The following AGPS variants were observed in gnomAD, a reference collection of about 807,000 sequenced individuals.
AGPS encodes alkylglycerone phosphate synthase.
Under a neutral mutation model 90.7 loss-of-function variants are expected in AGPS, and 26 were observed. That is an observed-to-expected ratio of 0.29 (90% CI 0.21 to 0.40). The LOEUF (loss-of-function observed/expected upper bound fraction) is 0.40. Ranked by LOEUF, AGPS falls within the 10% of genes least tolerant of loss-of-function variation. The probability of loss-of-function intolerance (pLI) is 1.00; values close to 1 mark genes in which losing one functional copy is unlikely to be tolerated. For synonymous variants in AGPS, 294 were observed against 285.3 expected, an observed-to-expected ratio of 1.03 and a Z score of -0.31; for missense variants, 540 against 816.1, an observed-to-expected ratio of 0.66 and a Z score of 4.12.
At chr2:177,499,525 C>T (rs934385301) in intron 13 of AGPS, 93 bp from the exon 14 acceptor site, 3 of 790,334 alleles carry the variant, frequency 3.8e-6, no homozygotes, top group Non-Finnish European at 6.2e-6. Flanking sequence ...TGTATTTGAG[C>T]CCAGATCAGA....
chr2:177,491,077 A>T (rs1288248786), intron 11 of AGPS, among the ~76,000 whole-genome samples: 1 of 150,724 alleles, frequency 6.6e-6, no homozygotes, highest in African/African-American at 2.4e-5. Flanking sequence ...CTGGTCTCGA[A>T]CTCCTGACCT....
chr2:177,398,697 A>G (rs1181571278), intron 1 of AGPS, among the ~76,000 whole-genome samples: 1 of 152,244 alleles, frequency 6.6e-6, no homozygotes, highest in Admixed American at 6.5e-5. Flanking sequence ...GCATTAGTTT[A>G]TGTTGTACTT....
chr2:177,450,941 G>A (rs1005368448), intron 8 of AGPS, among the ~76,000 whole-genome samples: 2 of 2,014 alleles, frequency 9.9e-4, no homozygotes, highest in Non-Finnish European at 3.4e-3. Context: ...AGTGTCTTAC[G>A]GTTTTCTATG....
intron 14 of AGPS, among the ~76,000 whole-genome samples, chr2:177,504,600 A>G (rs1481235602): frequency 1.3e-5 from 2 of 152,122 alleles, no homozygotes; most frequent in African/African-American, 2.4e-5. Context: ...ATCTTACAGT[A>G]TTTGTACAGA....
At chr2:177,526,591 A>T (rs2079089797) in intron 19 of AGPS, among the ~76,000 whole-genome samples, 1 of 152,190 alleles carries the variant, frequency 6.6e-6, no homozygotes, top group Non-Finnish European at 1.5e-5. Flanking sequence ...ACTAGGCAAT[A>T]TGGTTTCAAA....
At chr2:177,440,680 G>C (rs561141330) in intron 5 of AGPS, among the ~76,000 whole-genome samples, 3 of 152,114 alleles carry the variant, frequency 2.0e-5, no homozygotes, top group Admixed American at 6.5e-5. Flanking sequence ...AGTGTTGATT[G>C]CTTGGTTTTG....
intron 8 of AGPS, among the ~76,000 whole-genome samples, chr2:177,452,408 C>T (rs1686978881): frequency 6.6e-6 from 1 of 152,000 alleles, no homozygotes; most frequent in Non-Finnish European, 1.5e-5. Context: ...ATTAACTGAC[C>T]CTTTTGTCGT....
At chr2:177,531,034 A>T (rs2079132226) in intron 19 of AGPS, among the ~76,000 whole-genome samples, 1 of 152,056 alleles carries the variant, frequency 6.6e-6, no homozygotes, top group South Asian at 2.1e-4. Flanking sequence ...AACCAAAATT[A>T]CTCCCTATTA....
chr2:177,445,471 G>T, intron 7 of AGPS, 75 bp from the exon 8 acceptor site: 1 of 1,302,628 alleles, frequency 7.7e-7, no homozygotes, highest in South Asian at 1.2e-5. Context: ...TTGTTGCTTT[G>T]AATTAGGAAG....
chr2:177,412,614 C>T (rs1685652143), intron 1 of AGPS, among the ~76,000 whole-genome samples: 2 of 152,148 alleles, frequency 1.3e-5, no homozygotes, highest in African/African-American at 4.8e-5. Context: ...CAATATTACT[C>T]ACCGCTTTGG....
intron 8 of AGPS, among the ~76,000 whole-genome samples, chr2:177,450,549 T>G (rs1191631569): frequency 1.3e-5 from 2 of 152,216 alleles, no homozygotes; most frequent in African/African-American, 4.8e-5. Context: ...TGGAAAAGAT[T>G]ATCCTTTCTT....
chr2:177,488,873 T>C (rs962391358), intron 11 of AGPS, among the ~76,000 whole-genome samples: 2 of 152,122 alleles, frequency 1.3e-5, no homozygotes, highest in Admixed American at 1.3e-4. Context: ...GCTTATACTT[T>C]TATAGTTTAT....
chr2:177,528,396 G>A (rs1361268774), intron 19 of AGPS, among the ~76,000 whole-genome samples: 2 of 152,164 alleles, frequency 1.3e-5, no homozygotes, highest in Non-Finnish European at 2.9e-5. Context: ...TCTGTCCTCA[G>A]CTTTGATTAC....
intron 1 of AGPS, among the ~76,000 whole-genome samples, chr2:177,412,926 G>A (rs1412725216): frequency 6.6e-6 from 1 of 152,162 alleles, no homozygotes; most frequent in Non-Finnish European, 1.5e-5. Flanking sequence ...ATCGGGAGTG[G>A]CAATGGGTGC....
intron 18 of AGPS, among the ~76,000 whole-genome samples, chr2:177,521,973 C>T (rs941213633): frequency 2.6e-5 from 4 of 152,094 alleles, no homozygotes; most frequent in Admixed American, 2.6e-4. Context: ...CTCAGGTGTT[C>T]TACTGTTTTA....
At chr2:177,499,918 G>A (rs913143892) in intron 14 of AGPS, among the ~76,000 whole-genome samples, 188 bp downstream of exon 14, 40 of 151,824 alleles carry the variant, frequency 2.6e-4, no homozygotes, top group Middle Eastern at 3.4e-3. Flanking sequence ...TATTGTTTTG[G>A]TTTACATCCA....
At chr2:177,470,389 A>G (rs1277396765) in intron 10 of AGPS, among the ~76,000 whole-genome samples, 1 of 152,196 alleles carries the variant, frequency 6.6e-6, no homozygotes, top group East Asian at 1.9e-4. Flanking sequence ...CAAAGTTATT[A>G]TAGTAAAGTA....
chr2:177,393,223 G>T (rs899703726), intron 1 of AGPS, 174 bp downstream of exon 1: 35 of 985,284 alleles, frequency 3.6e-5, no homozygotes, highest in Non-Finnish European at 3.7e-5. Flanking sequence ...CCTGGATTCT[G>T]TCAGGAAGGG....
chr2:177,459,728 T>C (rs1205525354), intron 8 of AGPS, among the ~76,000 whole-genome samples: 1 of 152,208 alleles, frequency 6.6e-6, no homozygotes, highest in Non-Finnish European at 1.5e-5. Flanking sequence ...GAGTGTAAAT[T>C]AGTTCAACCA....
Sources: allele counts gnomAD v4.1 joint callset (sites outside exome capture counted in the v4.1 genomes callset), GRCh38; gene constraint gnomAD v4.1.1; transcripts MANE v1.5; gene names NCBI Gene and HGNC (gene_info 2026-07-23, HGNC 2026-07-21).